TTC16: variants seen among roughly 807,000 people sequenced by gnomAD.
The protein encoded by TTC16 is tetratricopeptide repeat protein 16.
A neutral mutation model predicts 80.4 loss-of-function variants in TTC16; 66 were observed. That is an observed-to-expected ratio of 0.82 (90% CI 0.67 to 1.01). The LOEUF (loss-of-function observed/expected upper bound fraction) is 1.01, where lower values mean the gene tolerates loss of function less well. Among genes scored for constraint, TTC16 ranks in the 50% least tolerant of loss-of-function variants. The pLI is 0.00. For missense variants in TTC16, 1,070 were observed against 1,103.2 expected (o/e 0.97, Z 0.43); for synonymous variants, 438 against 451.3 (o/e 0.97, Z 0.37).
At position 127,724,158 on chromosome 9, in the gene TTC16, C is replaced by T. The variant is rs1170310102; in HGVS notation, c.911C>T (p.Ala304Val). Residue 304 changes from alanine (A) to valine (V), a missense_variant, in exon 8 of 14, where the codon GCA becomes GTA. Transcript: ENST00000373289. ...CGACGGCTCCAGGAGTTCGATGGGG[C>T]AGTGGAGGACTTCCTGAAGGTGCTG... is the stretch of plus-strand genomic sequence containing the variant. ...MYRRLQEFDG[A>V]VEDFLKVLDM... 3 of 1,612,978 alleles carry T rather than the reference C, an allele frequency of 1.9e-6. No homozygotes were observed. Among genetic ancestry groups the T allele is most frequent in the Admixed American group, 3.3e-5 (2 of 59,998 alleles).
rs755455482 is a variant in TTC16 at position 127,716,936 on chromosome 9, G to A, written c.111G>A (p.Gly37=). ...AAGGGATCCTGCAGCACATCTTTGG[G>A]ACCAGCCACGTGTTCCAAAGCATCT... ...APKGILQHIF[G]TSHVFQSICD... Residue 37 remains glycine (G), a synonymous_variant, in exon 2 of 14, where the codon GGG becomes GGA. Coordinates refer to ENST00000373289, the MANE Select transcript of TTC16 (RefSeq NM_144965.3). 3 of 1,614,012 alleles carry A rather than the reference G, an allele frequency of 1.9e-6. No individual in the cohort carries two copies. The East Asian group carries it at 6.7e-5, about 36-fold the overall frequency.
chr9:127,724,925 G>C (rs1026648477), intron 9 of TTC16, 28 bp downstream of exon 9: 1 of 1,480,670 alleles, frequency 6.8e-7, no homozygotes, highest in Non-Finnish European at 8.9e-7. Flanking sequence ...CCCACGGTGG[G>C]CGGGGCAGGC....
rs753861179 is a variant in TTC16, at chr9:127,729,602, C to T, written c.1786C>T (p.Pro596Ser). 1.7e-5 allele frequency: 28 copies of T among 1,613,726 alleles called. No individual in the cohort carries two copies. The highest frequency in any genetic ancestry group is 2.2e-5 in the Non-Finnish European group (26 of 1,180,008). Residue 596 changes from proline (P) to serine (S), a missense_variant, in exon 13 of 14, where the codon CCT (proline) becomes TCT (serine). Transcript: ENST00000373289. The part of the protein sequence containing the change: ...KKEEKKSELI[P>S]SKVASLSDSY... ...ATAGGAGAAAAAATCAGAGCTCATA[C>T]CTAGCAAGGTGGCGTCCCTGTCTGA...
intron 9 of TTC16, 81 bp downstream of exon 9, chr9:127,724,978 G>T (rs1034211740): frequency 9.2e-6 from 13 of 1,413,090 alleles, no homozygotes; most frequent in Middle Eastern, 2.6e-4. Flanking sequence ...GGGATCCCTG[G>T]GTCAATCAAG....
chr9:127,720,423 T>C (rs200242161), intron 6 of TTC16, 28 bp downstream of exon 6: 74 of 1,610,012 alleles, frequency 4.6e-5, no homozygotes, highest in Admixed American at 3.8e-4. Context: ...GGCAGGGGCA[T>C]GCCCCCCAAC....
chr9:127,730,437 C>T (rs1844318933), intron 13 of TTC16, 199 bp from the exon 14 acceptor site: 1 of 694,372 alleles, frequency 1.4e-6, no homozygotes, highest in Non-Finnish European at 2.3e-6. Context: ...GGCTCCTAGG[C>T]ATCTCCCCCA....
chr9:127,727,802 T>A, intron 12 of TTC16: 1 of 192,316 alleles, frequency 5.2e-6, no homozygotes, highest in Non-Finnish European at 1.1e-5. Flanking sequence ...TCTGTCAACC[T>A]AGGCTGGAGT....
chr9:127,730,777 T>C lies in TTC16; in HGVS notation c.1994T>C (p.Leu665Pro), dbSNP rs146351533. 1.1e-4 allele frequency: 177 copies of C among 1,613,724 alleles called. No individual in the cohort carries two copies. The highest frequency in any genetic ancestry group is 8.2e-4 in the Middle Eastern group (5 of 6,062). ...GACTCTGGGAACAACAGGGAGGCACTAAGCCATGGTCCCAGAAAAATCAAG... is the reference window on the plus strand; with the variant it reads ...GACTCTGGGAACAACAGGGAGGCACCAAGCCATGGTCCCAGAAAAATCAAG... ...SSDSGNNREA[L>P]SHGPRKIKAT... Residue 665 changes from leucine to proline, a missense_variant, in exon 14 of 14, where the codon CTA (leucine) becomes CCA (proline). Physicochemically the swap from Leu to Pro is moderately conservative, Grantham distance 98 (BLOSUM62 -3). Transcript: ENST00000373289.
In TTC16 at chr9:127,731,242, A is replaced by T; in HGVS notation, c.2459A>T (p.Tyr820Phe). The T allele has an allele frequency of 1.2e-6, 2 of 1,612,620 alleles. No homozygotes were observed. Among genetic ancestry groups the T allele is most frequent in the Non-Finnish European group, 1.7e-6 (2 of 1,179,806 alleles). ...DSNWSLSKTE[Y>F]AQGQGQRSSK... Reference sequence around the variant, plus strand: ...AACTGGAGCCTCAGCAAAACTGAGTATGCCCAAGGCCAGGGCCAGAGGTCC... The same window carrying T: ...AACTGGAGCCTCAGCAAAACTGAGTTTGCCCAAGGCCAGGGCCAGAGGTCC... The change falls in exon 14 of 14, where the codon TAT becomes TTT. Residue 820 changes from tyrosine to phenylalanine, a missense_variant. Physicochemically the swap from Tyr to Phe is conservative, Grantham distance 22. Transcript: ENST00000373289.
chr9:127,724,638 C>A, intron 8 of TTC16, 118 bp from the exon 9 acceptor site: 3 of 1,371,580 alleles, frequency 2.2e-6, no homozygotes, highest in Non-Finnish European at 2.0e-6. Flanking sequence ...ACGGAGACTG[C>A]GGCGGGGGGT....
intron 6 of TTC16, among the ~76,000 whole-genome samples, chr9:127,721,550 GC>G (rs1753327868): frequency 6.6e-6 from 1 of 151,988 alleles, no homozygotes; most frequent in East Asian, 1.9e-4. Flanking sequence ...CCTGGGTGCG[GC>G]CGAAATGCCA....
intron 10 of TTC16, among the ~76,000 whole-genome samples, 180 bp from the exon 11 acceptor site, chr9:127,726,787 CAAA>C (rs55676226): frequency 1.9e-3 from 237 of 127,164 alleles, no homozygotes; most frequent in African/African-American, 5.6e-3. Flanking sequence ...GACTCTGTCT[CAAA>C]AAAAAAAAAA....
At position 127,731,090 on chromosome 9, in the gene TTC16, G is replaced by C; in HGVS notation, c.2307G>C (p.Arg769Ser). Residue 769 changes from arginine to serine, a missense_variant, in exon 14 of 14, where the codon AGG (arginine) becomes AGC (serine). By Grantham distance (110) the Arg-to-Ser change is moderately radical (BLOSUM62 -1). Transcript: ENST00000373289. ...AGACCAAGACCACCCGGAGCCCAAG[G>C]CAGAGGCCCAGAAAGGTCAAGGCTG... Reference protein sequence around the residue: ...PSKTKTTRSPRQRPRKVKAAR... With the variant: ...PSKTKTTRSPSQRPRKVKAAR... 1 of 1,612,106 alleles carries C rather than the reference G, an allele frequency of 6.2e-7. No homozygotes were observed. The highest frequency in any genetic ancestry group is 8.5e-7 in the Non-Finnish European group (1 of 1,179,602).
rs779915771 is a variant in TTC16, at chr9:127,720,347, C to G, written c.609C>G (p.Asn203Lys). Residue 203 changes from asparagine (N) to lysine (K), a missense_variant, in exon 6 of 14, where the codon AAC becomes AAG. Asn to Lys is a moderately conservative substitution (Grantham distance 94). Transcript: ENST00000373289. ...ITNELKQDTT[N>K]ADVYIFRARL... is the part of the protein sequence containing the mutation. ...ACGAGCTGAAGCAGGACACCACCAA[C>G]GCCGATGTCTACATCTTCCGGGCCA... The G allele has an allele frequency of 1.2e-6, 2 of 1,613,322 alleles. No individual in the cohort carries two copies. The highest frequency in any genetic ancestry group is 8.5e-7 in the Non-Finnish European group (1 of 1,179,982).
At position 127,720,315 on chromosome 9, in the gene TTC16, A is replaced by T; in HGVS notation, c.577A>T (p.Ile193Phe). Residue 193 changes from isoleucine to phenylalanine, a missense_variant, in exon 6 of 14, where the codon ATC becomes TTC. Coordinates refer to ENST00000373289, the MANE Select transcript of TTC16 (RefSeq NM_144965.3). Reference protein sequence around the residue: ...LKQHQACLTLITNELKQDTTN... With the variant: ...LKQHQACLTLFTNELKQDTTN... The stretch of plus-strand genomic sequence containing the variant: ...GCAGCATCAGGCCTGCCTCACGCTC[A>T]TCACCAACGAGCTGAAGCAGGACAC... 6.2e-7 allele frequency: 1 copy of T among 1,613,442 alleles called. No individual in the cohort carries two copies.
chr9:127,729,330 G>A lies in TTC16; in HGVS notation c.1765-251G>A, dbSNP rs200566209. 8.8e-4 allele frequency: 400 copies of A among 455,538 alleles called. 6 individuals are homozygous for A. The Middle Eastern group carries it at 0.013, about 15-fold the overall frequency. 28.2% of individuals were successfully genotyped at this position (455,538 alleles called of 1,614,324 possible). On this transcript the variant is annotated intron_variant, in intron 12 of 13. Transcript: ENST00000373289. ...CTGAACTAATTTTCATTTTGCAGTT[G>A]AAAAAAACCAAGGCGCTAGCAGCTC...
rs777396104 is a variant in TTC16, at chr9:127,720,327, C to A, written c.589C>A (p.Leu197Met). 1 of 1,613,506 alleles carries A rather than the reference C, an allele frequency of 6.2e-7. No homozygotes were observed. The highest frequency in any genetic ancestry group is 1.1e-5 in the South Asian group (1 of 91,090). The change falls in exon 6 of 14, where the codon CTG becomes ATG. Residue 197 changes from leucine to methionine, a missense_variant. By Grantham distance (15) the Leu-to-Met change is conservative (BLOSUM62 2). Coordinates refer to ENST00000373289, the MANE Select transcript of TTC16 (RefSeq NM_144965.3). ...QACLTLITNE[L>M]KQDTTNADVY... Reference sequence around the variant, plus strand: ...CTGCCTCACGCTCATCACCAACGAGCTGAAGCAGGACACCACCAACGCCGA... The same window carrying A: ...CTGCCTCACGCTCATCACCAACGAGATGAAGCAGGACACCACCAACGCCGA...
In TTC16 at chr9:127,717,466, A is replaced by G. The variant is rs375411395; in HGVS notation, c.282+42A>G. 8 of 1,594,006 alleles carry G rather than the reference A, an allele frequency of 5.0e-6. No homozygotes were observed. In the African/African-American group the frequency reaches 9.4e-5, roughly 19 times the overall value. On this transcript the variant is annotated intron_variant, in intron 3 of 13. Transcript: ENST00000373289. Reference sequence around the variant, plus strand: ...GGTGGGCACAGGCAGTTGCTGGAACATGCTTCCTCCCTCCCTGTCGCACCT... The same window carrying G: ...GGTGGGCACAGGCAGTTGCTGGAACGTGCTTCCTCCCTCCCTGTCGCACCT...
At chr9:127,727,138 G>T in intron 11 of TTC16, 26 bp downstream of exon 11, 2 of 1,557,614 alleles carry the variant, frequency 1.3e-6, no homozygotes, top group South Asian at 2.4e-5. Context: ...AGGGGCACAG[G>T]CCAGGGCTGG....
Sources: allele counts gnomAD v4.1 joint callset (sites outside exome capture counted in the v4.1 genomes callset), GRCh38; gene constraint gnomAD v4.1.1; transcripts MANE v1.5; gene names NCBI Gene and HGNC (gene_info 2026-07-23, HGNC 2026-07-21).